The following TBC1D12 variants were observed in gnomAD, a reference collection of about 807,000 sequenced individuals.
TBC1D12 encodes the protein TBC1 domain family member 12, also known as TBC1 domain family, member 12.
A neutral mutation model predicts 86.7 loss-of-function variants in TBC1D12; 56 were observed. That is an observed-to-expected ratio of 0.65 (90% confidence interval 0.52 to 0.81). TBC1D12 has a LOEUF of 0.81. TBC1D12 is among the 30% of genes least tolerant of loss of function. TBC1D12 has a pLI of 0.00. For missense variants in TBC1D12, 1,023 were observed against 1,038.8 expected (o/e 0.98, Z 0.21); for synonymous variants, 421 against 411.7 (o/e 1.02, Z -0.27).
intron 4 of TBC1D12, among the ~76,000 whole-genome samples, chr10:94,495,059 T>G (rs1406437473): frequency 6.6e-6 from 1 of 150,492 alleles, no homozygotes; most frequent in Non-Finnish European, 1.5e-5. Context: ...AATCTCACTC[T>G]GTCACCCAGG....
chr10:94,473,987 T>C (rs771986139), intron 2 of TBC1D12, among the ~76,000 whole-genome samples: 1 of 152,202 alleles, frequency 6.6e-6, no homozygotes, highest in Non-Finnish European at 1.5e-5. Context: ...TAGCAAACTG[T>C]TGTTTAAATT....
chr10:94,526,735 C>T (rs1196043803), intron 11 of TBC1D12, among the ~76,000 whole-genome samples: 1 of 152,128 alleles, frequency 6.6e-6, no homozygotes, highest in Non-Finnish European at 1.5e-5. Context: ...ATTTCAATTC[C>T]TTTGGGTATA....
At chr10:94,523,438 A>T (rs1409346964) in intron 11 of TBC1D12, among the ~76,000 whole-genome samples, 1 of 152,010 alleles carries the variant, frequency 6.6e-6, no homozygotes, top group Non-Finnish European at 1.5e-5. Context: ...GTGTTTCTTT[A>T]CTAAGGGCTT....
At chr10:94,440,060 C>G (rs902600963) in intron 1 of TBC1D12, among the ~76,000 whole-genome samples, 14 of 152,318 alleles carry the variant, frequency 9.2e-5, no homozygotes, top group African/African-American at 3.1e-4. Flanking sequence ...AGTCACTGTA[C>G]ATGGTCTCTG....
chr10:94,511,619 G>C lies in TBC1D12; in HGVS notation c.1726G>C (p.Gly576Arg), dbSNP rs2056529446. The C allele has an allele frequency of 6.2e-7, 1 of 1,612,934 alleles. No individual in the cohort carries two copies. The highest frequency in any genetic ancestry group is 8.5e-7 in the Non-Finnish European group (1 of 1,179,458). ...PYHDVLHSIL[G>R]AYTCYRPDVG... ...TCATGATGTCTTGCATAGTATTTTA[G>C]GGGCATACACATGCTACAGGCCTGA... is the stretch of plus-strand genomic sequence containing the variant. Residue 576 changes from glycine (G) to arginine (R), a missense_variant, in exon 9 of 13, where the codon GGG becomes CGG. Physicochemically the swap from Gly to Arg is moderately radical, Grantham distance 125. This residue lies in a region of TBC1D12 where 395 missense variants were observed against 507.7 expected (regional missense o/e 0.78). Coordinates refer to ENST00000225235, the MANE Select transcript of TBC1D12 (RefSeq NM_015188.2).
chr10:94,453,923 A>G (rs867426910), intron 2 of TBC1D12, among the ~76,000 whole-genome samples: 2 of 152,084 alleles, frequency 1.3e-5, no homozygotes, highest in East Asian at 1.9e-4. Context: ...TCAGTTGACT[A>G]TATTTATGTG....
At chr10:94,462,784 A>G (rs2055749441) in intron 2 of TBC1D12, among the ~76,000 whole-genome samples, 1 of 152,026 alleles carries the variant, frequency 6.6e-6, no homozygotes, top group South Asian at 2.1e-4. Flanking sequence ...GATTTTGGCA[A>G]TTTTTATCTT....
intron 3 of TBC1D12, 85 bp downstream of exon 3, chr10:94,474,868 A>G (rs2055965087): frequency 8.4e-7 from 1 of 1,196,636 alleles, no homozygotes; most frequent in African/African-American, 1.5e-5. Flanking sequence ...AGATAGCGAG[A>G]AAGATATTGA....
At chr10:94,471,581 C>T (rs1026666462) in intron 2 of TBC1D12, among the ~76,000 whole-genome samples, 12 of 152,264 alleles carry the variant, frequency 7.9e-5, no homozygotes, top group Admixed American at 6.5e-5. Flanking sequence ...TTGTTTGCTC[C>T]TGCTGACTTG....
At position 94,403,004 on chromosome 10, in the gene TBC1D12, G is replaced by C; in HGVS notation, c.391G>C (p.Glu131Gln). The stretch of plus-strand genomic sequence containing the variant: ...GGCTGATGGCCGCGCGCCGCGGCAC[G>C]AAGGCATGACCAACGGCGACTCGGG... ...EVADGRAPRH[E>Q]GMTNGDSGFL... The change falls in exon 1 of 13, where the codon GAA becomes CAA. Residue 131 changes from glutamate to glutamine, a missense_variant. Physicochemically the swap from Glu to Gln is conservative, Grantham distance 29. Coordinates refer to ENST00000225235, the MANE Select transcript of TBC1D12 (RefSeq NM_015188.2). 6.3e-7 allele frequency: 1 copy of C among 1,576,712 alleles called. No homozygotes were observed.
intron 2 of TBC1D12, among the ~76,000 whole-genome samples, chr10:94,473,783 TAAATTTCAGAAGTTTGGGAACATTTATG>T (rs1369333596): frequency 6.6e-6 from 1 of 152,160 alleles, no homozygotes; most frequent in African/African-American, 2.4e-5. Flanking sequence ...TTTCTATAAA[TAAATTTCAGAAGTTTGGGAACATTTATG>T]AAAGAATACT....
intron 2 of TBC1D12, among the ~76,000 whole-genome samples, chr10:94,457,204 G>A (rs527245136): frequency 6.6e-6 from 1 of 152,232 alleles, no homozygotes; most frequent in East Asian, 1.9e-4. Flanking sequence ...TGTCATTTAT[G>A]TTTTAAGCCC....
At chr10:94,481,209 G>T (rs2056073591) in intron 3 of TBC1D12, among the ~76,000 whole-genome samples, 1 of 152,156 alleles carries the variant, frequency 6.6e-6, no homozygotes, top group Non-Finnish European at 1.5e-5. Context: ...TGGTCCATGA[G>T]CATTGGCTTC....
At chr10:94,432,183 T>TA (rs2055226530) in intron 1 of TBC1D12, among the ~76,000 whole-genome samples, 1 of 152,132 alleles carries the variant, frequency 6.6e-6, no homozygotes, top group Admixed American at 6.5e-5. Flanking sequence ...GAAAAGGTGA[T>TA]ACGGAGGAAT....
At chr10:94,465,981 C>T (rs979699589) in intron 2 of TBC1D12, among the ~76,000 whole-genome samples, 5 of 150,906 alleles carry the variant, frequency 3.3e-5, no homozygotes, top group African/African-American at 1.2e-4. Flanking sequence ...TATATATACA[C>T]ATATATATGA....
intron 1 of TBC1D12, among the ~76,000 whole-genome samples, chr10:94,420,910 G>A (rs1163493402): frequency 6.6e-6 from 1 of 152,134 alleles, no homozygotes; most frequent in Non-Finnish European, 1.5e-5. Flanking sequence ...ACAATGTGAA[G>A]TTTTGATACA....
intron 2 of TBC1D12, 143 bp downstream of exon 2, chr10:94,442,162 A>G (rs1386129740): frequency 1.2e-6 from 1 of 849,966 alleles, no homozygotes; most frequent in African/African-American, 1.9e-5. Context: ...GATTATAAGT[A>G]TTTATAGGGA....
chr10:94,482,891 G>A (rs2134159434), intron 3 of TBC1D12, among the ~76,000 whole-genome samples: 1 of 152,144 alleles, frequency 6.6e-6, no homozygotes, highest in South Asian at 2.1e-4. Context: ...CTACAAATAA[G>A]TGAGAACATG....
At chr10:94,444,791 G>C (rs2055433157) in intron 2 of TBC1D12, among the ~76,000 whole-genome samples, 1 of 150,290 alleles carries the variant, frequency 6.7e-6, no homozygotes, top group South Asian at 2.1e-4. Context: ...CAGTGCAGTG[G>C]CACGATCTCG....
Sources: allele counts gnomAD v4.1 joint callset (sites outside exome capture counted in the v4.1 genomes callset), GRCh38; gene constraint gnomAD v4.1.1; regional missense constraint gnomAD v4.1.1; transcripts MANE v1.5; gene names NCBI Gene and HGNC (gene_info 2026-07-23, HGNC 2026-07-21).